ROBO2: variants seen among roughly 807,000 people sequenced by gnomAD.
The protein encoded by ROBO2 is roundabout guidance receptor 2, also known as roundabout homolog 2.
Under a neutral mutation model 160.8 loss-of-function variants are expected in ROBO2, and 53 were observed. The ratio of observed to expected loss-of-function variants is 0.33; its 90% CI spans 0.26 to 0.41. The LOEUF (loss-of-function observed/expected upper bound fraction) is 0.41, where lower values mean the gene tolerates loss of function less well. Among genes scored for constraint, ROBO2 ranks in the 10% least tolerant of loss-of-function variants. ROBO2 has a pLI of 1.00. For missense variants in ROBO2, 1,577 were observed against 1,722.4 expected (o/e 0.92, Z 1.49); for synonymous variants, 664 against 611.7 (o/e 1.09, Z -1.26).
intron 2 of ROBO2, among the ~76,000 whole-genome samples, chr3:75,951,541 A>G (rs1218265052): frequency 2.0e-5 from 3 of 152,090 alleles, no homozygotes; most frequent in Non-Finnish European, 2.9e-5. Flanking sequence ...CCATATATAT[A>G]TGAAATGTTA....
At chr3:77,078,920 G>C (rs941387968) in intron 1 of ROBO2, among the ~76,000 whole-genome samples, 3 of 152,050 alleles carry the variant, frequency 2.0e-5, no homozygotes, top group Non-Finnish European at 4.4e-5. Context: ...TGTAGAAATA[G>C]GTTCTATATT....
chr3:76,216,362 T>TG lies in ROBO2; in HGVS notation c.109+278761dup, dbSNP rs577019881. Among the ~76,000 whole-genome samples, 5 of 152,218 alleles carry TG rather than the reference T, an allele frequency of 3.3e-5. No individual in the cohort carries two copies. In the East Asian group the frequency reaches 7.7e-4, roughly 24 times the overall value. The stretch of plus-strand genomic sequence containing the variant: ...AATACTCCAATTAAAAGACACAGAC[T>TG]GCAAATTGGATAAAGAGTCAAGACC... On this transcript the variant is annotated intron_variant, in intron 2 of 26. Coordinates refer to the ROBO2 transcript ENST00000487694.
intron 2 of ROBO2, among the ~76,000 whole-genome samples, chr3:76,904,360 C>T (rs997554840): frequency 3.3e-5 from 5 of 152,118 alleles, no homozygotes; most frequent in Admixed American, 2.6e-4. Context: ...TCTTTCAGTA[C>T]ATTTTCTGAT....
chr3:76,266,803 ATAGTT>A (rs956530158), intron 2 of ROBO2, among the ~76,000 whole-genome samples: 2 of 152,144 alleles, frequency 1.3e-5, no homozygotes, highest in African/African-American at 4.8e-5. Flanking sequence ...ATTTCAAAGA[ATAGTT>A]TATTTAAAAT....
chr3:76,462,102 T>C (rs1328267029), intron 2 of ROBO2, among the ~76,000 whole-genome samples: 3 of 152,204 alleles, frequency 2.0e-5, no homozygotes, highest in Non-Finnish European at 4.4e-5. Flanking sequence ...AATAGCTCTT[T>C]TTTGCTTTTC....
chr3:77,487,966 T>C (rs1029905787), intron 4 of ROBO2, among the ~76,000 whole-genome samples: 2 of 152,308 alleles, frequency 1.3e-5, no homozygotes, highest in African/African-American at 4.8e-5. Flanking sequence ...GGGCACTTAA[T>C]TTTTTCATGT....
At chr3:77,621,305 A>T (rs2094894815) in intron 22 of ROBO2, among the ~76,000 whole-genome samples, 1 of 152,082 alleles carries the variant, frequency 6.6e-6, no homozygotes. Context: ...GCACACCTGT[A>T]ATGCCAGCTA....
intron 2 of ROBO2, among the ~76,000 whole-genome samples, chr3:77,189,681 C>G (rs1376918205): frequency 6.6e-6 from 1 of 151,894 alleles, no homozygotes; most frequent in African/African-American, 2.4e-5. Context: ...TGAGTATACA[C>G]AGTATGTAAC....
intron 2 of ROBO2, among the ~76,000 whole-genome samples, chr3:76,018,574 A>G (rs1251927211): frequency 6.6e-6 from 1 of 151,792 alleles, no homozygotes; most frequent in African/African-American, 2.4e-5. Flanking sequence ...TGTTTTAAAT[A>G]TGCTTTCCTA....
At chr3:76,357,370 A>G (rs2108348139) in intron 2 of ROBO2, among the ~76,000 whole-genome samples, 2 of 152,122 alleles carry the variant, frequency 1.3e-5, no homozygotes, top group South Asian at 4.1e-4. Flanking sequence ...GCAATACAAA[A>G]GAAGTGAGTT....
exon 1 of ROBO2, chr3:77,040,100 G>A: frequency 2.5e-6 from 2 of 815,266 alleles, no homozygotes; most frequent in Non-Finnish European, 2.9e-6. Context: ...CCCTCACCAC[G>A]TAGGAGTTCG....
intron 2 of ROBO2, among the ~76,000 whole-genome samples, chr3:76,659,662 T>G (rs1296466999): frequency 1.3e-5 from 2 of 152,078 alleles, no homozygotes; most frequent in Admixed American, 6.6e-5. Context: ...AAAATGCAAG[T>G]TTAAGAAAAG....
intron 2 of ROBO2, among the ~76,000 whole-genome samples, chr3:77,382,408 T>C (rs1438272599): frequency 6.6e-6 from 1 of 151,986 alleles, no homozygotes. Flanking sequence ...TTTTTCTTTT[T>C]CTTCTTCTTT....
At chr3:77,448,622 T>C (rs1193677925) in intron 2 of ROBO2, among the ~76,000 whole-genome samples, 1 of 152,006 alleles carries the variant, frequency 6.6e-6, no homozygotes, top group African/African-American at 2.4e-5. Context: ...TTAGTCTGCG[T>C]ACATTTCACT....
intron 2 of ROBO2, among the ~76,000 whole-genome samples, chr3:76,550,937 G>A (rs1240885449): frequency 6.6e-6 from 1 of 152,142 alleles, no homozygotes; most frequent in Non-Finnish European, 1.5e-5. Flanking sequence ...CCTGGGTGCT[G>A]TGGATGGCAT....
At chr3:76,137,700 C>A (rs2071482603) in intron 2 of ROBO2, among the ~76,000 whole-genome samples, 1 of 151,396 alleles carries the variant, frequency 6.6e-6, no homozygotes, top group African/African-American at 2.4e-5. Flanking sequence ...AGGACAGAAT[C>A]TTTATTATTC....
At chr3:77,416,682 A>G (rs1031632293) in intron 2 of ROBO2, among the ~76,000 whole-genome samples, 3 of 141,890 alleles carry the variant, frequency 2.1e-5, no homozygotes, top group South Asian at 4.4e-4. Context: ...ATGCCACTGC[A>G]CTCTAGCATG....
In ROBO2 at chr3:77,316,903, G is replaced by C. The variant is rs2064049734; in HGVS notation, c.389-160511G>C. On this transcript the variant is annotated intron_variant, in intron 2 of 25. Coordinates refer to ENST00000461745, the Ensembl canonical transcript of ROBO2. Reference sequence around the variant, plus strand: ...CAGGCTGGAGTTGTTCACTTTAGTGGAGAAGCAGGCATGAGGGTCAGTCTG... The same window carrying C: ...CAGGCTGGAGTTGTTCACTTTAGTGCAGAAGCAGGCATGAGGGTCAGTCTG... 4.2e-6 allele frequency: 5 copies of C among 1,179,232 alleles called. No homozygotes were observed. In the East Asian group the frequency reaches 7.0e-5, roughly 16 times the overall value. 73.0% of individuals were successfully genotyped at this position (1,179,232 alleles called of 1,614,324 possible).
At chr3:77,603,378 T>C (rs1027129862) in intron 20 of ROBO2, among the ~76,000 whole-genome samples, 1 of 152,196 alleles carries the variant, frequency 6.6e-6, no homozygotes, top group Non-Finnish European at 1.5e-5. Context: ...TTCCATGTTA[T>C]AGATACCAAA....
Sources: gnomAD v4.1 joint callset for allele counts (sites outside exome capture counted in the v4.1 genomes callset) on GRCh38, gnomAD v4.1.1 for gene constraint, MANE v1.5 for transcripts, NCBI Gene and HGNC (gene_info 2026-07-23, HGNC 2026-07-21) for gene names.